TMEM151B: variants seen among roughly 807,000 people sequenced by gnomAD.
TMEM151B encodes the protein transmembrane protein 193.
Under a neutral mutation model 33.0 loss-of-function variants are expected in TMEM151B, and 18 were observed. The ratio of observed to expected loss-of-function variants is 0.55; its 90% confidence interval spans 0.38 to 0.81. The LOEUF is 0.81. Ranked by LOEUF, TMEM151B falls within the 30% of genes least tolerant of loss-of-function variation. TMEM151B has a pLI of 0.00. For synonymous variants in TMEM151B, 354 were observed against 373.6 expected (o/e 0.95, Z 0.61); for missense variants, 672 against 843.4 (o/e 0.80, Z 2.52).
chr6:44,270,742 C>T lies in TMEM151B; in HGVS notation c.-1C>T. 1 of 1,092,056 alleles carries T rather than the reference C, an allele frequency of 9.2e-7. No homozygotes were observed. Among genetic ancestry groups the T allele is most frequent in the Non-Finnish European group, 1.1e-6 (1 of 890,202 alleles). The allele number at this position is 1,092,056 out of a possible 1,614,324, so 67.6% of individuals were successfully genotyped here. A position where few individuals can be genotyped will look rare whatever the true frequency, so the allele number is the denominator to read the frequency against. ...TGAGCTCGACGCGCCCCCTCTACGC[C>T]ATGTCCCCCCCTGGCTCGGCCGCGG... is the stretch of plus-strand genomic sequence containing the variant. On this transcript the variant is annotated 5_prime_UTR_variant, in exon 1 of 3. Transcript: ENST00000451188.
At position 44,275,694 on chromosome 6, in the gene TMEM151B, C is replaced by A. The variant is rs1295698006; in HGVS notation, c.868C>A (p.Pro290Thr). ...FREFMVAFPD[P>T]ARPPWYACSS... Reference sequence around the variant, plus strand: ...TGAGTTCATGGTGGCCTTCCCGGACCCGGCCCGGCCGCCCTGGTACGCCTG... The same window carrying A: ...TGAGTTCATGGTGGCCTTCCCGGACACGGCCCGGCCGCCCTGGTACGCCTG... The change falls in exon 3 of 3, where the codon CCG (proline) becomes ACG (threonine). Residue 290 changes from proline to threonine, a missense_variant. Pro to Thr is a conservative substitution (Grantham distance 38). Transcript: ENST00000451188. The A allele has an allele frequency of 6.4e-7, 1 of 1,550,702 alleles. No individual in the cohort carries two copies. The highest frequency in any genetic ancestry group is 8.7e-7 in the Non-Finnish European group (1 of 1,146,688).
At chr6:44,273,693 GC>G (rs1306146100) in intron 2 of TMEM151B, among the ~76,000 whole-genome samples, 187 bp downstream of exon 2, 8 of 152,258 alleles carry the variant, frequency 5.3e-5, no homozygotes, top group Non-Finnish European at 1.2e-4. Flanking sequence ...CCGACCAGGA[GC>G]CAGGCTCTGC....
At position 44,278,995 on chromosome 6, in the gene TMEM151B, G is replaced by A. The variant is rs967931650; in HGVS notation, c.*2468G>A. On this transcript the variant is annotated 3_prime_UTR_variant, in exon 3 of 3. Coordinates refer to ENST00000451188, the MANE Select transcript of TMEM151B (RefSeq NM_001137560.2). Reference sequence around the variant, plus strand: ...GGCACACACATGCAGTCACTCCCAAGCCCCCTTTGGTGCTCTGCTCAGCGC... The same window carrying A: ...GGCACACACATGCAGTCACTCCCAAACCCCCTTTGGTGCTCTGCTCAGCGC... 5.3e-5 allele frequency: 8 copies of A among 152,196 alleles called. No individual in the cohort carries two copies. The highest frequency in any genetic ancestry group is 1.2e-4 in the Non-Finnish European group (8 of 68,060). 9.4% of individuals were successfully genotyped at this position (152,196 alleles called of 1,614,324 possible). A position where few individuals can be genotyped will look rare whatever the true frequency, so the allele number is the denominator to read the frequency against.
rs898013798 is a variant in TMEM151B at position 44,277,638 on chromosome 6, G to A, written c.*1111G>A. On this transcript the variant is annotated 3_prime_UTR_variant, in exon 3 of 3. Coordinates refer to ENST00000451188, the MANE Select transcript of TMEM151B (RefSeq NM_001137560.2). ...CGCTCAAACACATCTCTGGGGGACT[G>A]AGGACGTTGTCACAAGCCCCAACTG... is the stretch of plus-strand genomic sequence containing the variant. 6.6e-6 allele frequency: 1 copy of A among 152,228 alleles called. No homozygotes were observed. Among genetic ancestry groups the A allele is most frequent in the African/African-American group, 2.4e-5 (1 of 41,428 alleles). 9.4% of individuals were successfully genotyped at this position (152,228 alleles called of 1,614,324 possible).
In TMEM151B at chr6:44,275,895, C is replaced by A. The variant is rs780157740; in HGVS notation, c.1069C>A (p.Pro357Thr). ...CAGCCCCAGCGATGAGCTGCTGCCCCCGCTCACCCACCGCCTGCCGCGGGT... is the reference window on the plus strand; with the variant it reads ...CAGCCCCAGCGATGAGCTGCTGCCCACGCTCACCCACCGCCTGCCGCGGGT... ...GLSPSDELLPPLTHRLPRVNT... is the reference protein window; with the variant it reads ...GLSPSDELLPTLTHRLPRVNT... The change falls in exon 3 of 3, where the codon CCG becomes ACG. Residue 357 changes from proline to threonine, a missense_variant. Coordinates refer to ENST00000451188, the MANE Select transcript of TMEM151B (RefSeq NM_001137560.2). 50 of 1,533,804 alleles carry A rather than the reference C, an allele frequency of 3.3e-5. No homozygotes were observed. The African/African-American group carries it at 3.6e-4, about 11-fold the overall frequency.
chr6:44,276,405 C>T lies in TMEM151B; in HGVS notation c.1579C>T (p.Pro527Ser). ...EDDDEEEAGP[P>S]PPYHDALYFP... ...CGACGACGAGGAGGAGGCCGGGCCG[C>T]CGCCGCCCTACCACGACGCCCTCTA... The change falls in exon 3 of 3, where the codon CCG becomes TCG. Residue 527 changes from proline to serine, a missense_variant. By Grantham distance (74) the Pro-to-Ser change is moderately conservative. Coordinates refer to ENST00000451188, the MANE Select transcript of TMEM151B (RefSeq NM_001137560.2). 1.3e-6 allele frequency: 2 copies of T among 1,514,164 alleles called. No homozygotes were observed. The highest frequency in any genetic ancestry group is 1.8e-6 in the Non-Finnish European group (2 of 1,136,554). 93.8% of individuals were successfully genotyped at this position (1,514,164 alleles called of 1,614,324 possible).
intron 2 of TMEM151B, among the ~76,000 whole-genome samples, chr6:44,274,662 T>C (rs1782496855): frequency 6.6e-6 from 1 of 152,000 alleles, no homozygotes; most frequent in African/African-American, 2.4e-5. Flanking sequence ...GGGGAACCCA[T>C]TGGGAAACAC....
rs902136331 is a variant in TMEM151B at position 44,276,402 on chromosome 6, C to T, written c.1576C>T (p.Pro526Ser). 5 of 1,513,014 alleles carry T rather than the reference C, an allele frequency of 3.3e-6. No homozygotes were observed. Among genetic ancestry groups the T allele is most frequent in the African/African-American group, 1.4e-5 (1 of 70,878 alleles). The allele number at this position is 1,513,014 out of a possible 1,614,324, so 93.7% of individuals were successfully genotyped here. The change falls in exon 3 of 3, where the codon CCG (proline) becomes TCG (serine). Residue 526 changes from proline (P) to serine (S), a missense_variant. Physicochemically the swap from Pro to Ser is moderately conservative, Grantham distance 74. Around this residue, in one of 3 missense-constraint regions of TMEM151B, gnomAD observed 324 missense variants for 363.1 expected, o/e 0.89. Transcript: ENST00000451188. ...DEDDDEEEAG[P>S]PPPYHDALYF... The stretch of plus-strand genomic sequence containing the variant: ...GGACGACGACGAGGAGGAGGCCGGG[C>T]CGCCGCCGCCCTACCACGACGCCCT...
In TMEM151B at chr6:44,273,528, C is replaced by T. The variant is rs1401917548; in HGVS notation, c.576+22C>T. The T allele has an allele frequency of 4.6e-6, 7 of 1,518,894 alleles. No individual in the cohort carries two copies. The African/African-American group carries it at 6.9e-5, about 15-fold the overall frequency. 94.1% of individuals were successfully genotyped at this position (1,518,894 alleles called of 1,614,324 possible). The stretch of plus-strand genomic sequence containing the variant: ...CCAGGTGAGGAGCTGGTGGGGAGTG[C>T]AGGACATTCAACATGGGAGGTGGCA... On this transcript the variant is annotated intron_variant, in intron 2 of 2. Coordinates refer to ENST00000451188, the MANE Select transcript of TMEM151B (RefSeq NM_001137560.2).
chr6:44,275,851 G>A lies in TMEM151B; in HGVS notation c.1025G>A (p.Ser342Asn). 6.5e-7 allele frequency: 1 copy of A among 1,541,948 alleles called. No individual in the cohort carries two copies. The highest frequency in any genetic ancestry group is 1.2e-5 in the South Asian group (1 of 83,934). Reference sequence around the variant, plus strand: ...GGCCTGGAGGGCCCGGGCTCGGCCAGCAGCGCAGGCGGTGGCCTCAGCCCC... The same window carrying A: ...GGCCTGGAGGGCCCGGGCTCGGCCAACAGCGCAGGCGGTGGCCTCAGCCCC... ...LFGLEGPGSA[S>N]SAGGGLSPSD... Residue 342 changes from serine (S) to asparagine (N), a missense_variant, in exon 3 of 3, where the codon AGC becomes AAC. By Grantham distance (46) the Ser-to-Asn change is conservative (BLOSUM62 1). Around this residue, in one of 3 missense-constraint regions of TMEM151B, gnomAD observed 324 missense variants for 363.1 expected, o/e 0.89. Transcript: ENST00000451188.
rs1782599902 is a variant in TMEM151B, at chr6:44,276,580, T to C, written c.*53T>C. On this transcript the variant is annotated 3_prime_UTR_variant, in exon 3 of 3. Coordinates refer to ENST00000451188, the MANE Select transcript of TMEM151B (RefSeq NM_001137560.2). The stretch of plus-strand genomic sequence containing the variant: ...TCCTCCCGCCTGCCCCTCGCCGGAC[T>C]GTGCTCCCTCTGCGACGCAGGGCGA... 1 of 1,323,842 alleles carries C rather than the reference T, an allele frequency of 7.6e-7. No homozygotes were observed. 82.0% of individuals were successfully genotyped at this position (1,323,842 alleles called of 1,614,324 possible). A position where few individuals can be genotyped will look rare whatever the true frequency, so the allele number is the denominator to read the frequency against.
chr6:44,270,764 G>A lies in TMEM151B; in HGVS notation c.22G>A (p.Ala8Thr). 2 of 1,119,678 alleles carry A rather than the reference G, an allele frequency of 1.8e-6. No individual in the cohort carries two copies. The highest frequency in any genetic ancestry group is 2.2e-6 in the Non-Finnish European group (2 of 913,920). The allele number at this position is 1,119,678 out of a possible 1,614,324, so 69.4% of individuals were successfully genotyped here. MSPPGSAAGESAAGGGGG... is the reference protein window; with the variant it reads MSPPGSATGESAAGGGGG... ...CGCCATGTCCCCCCCTGGCTCGGCCGCGGGAGAGAGCGCCGCCGGCGGCGG... is the reference window on the plus strand; with the variant it reads ...CGCCATGTCCCCCCCTGGCTCGGCCACGGGAGAGAGCGCCGCCGGCGGCGG... The change falls in exon 1 of 3, where the codon GCG becomes ACG. Residue 8 changes from alanine (A) to threonine (T), a missense_variant. Physicochemically the swap from Ala to Thr is moderately conservative, Grantham distance 58. Coordinates refer to ENST00000451188, the MANE Select transcript of TMEM151B (RefSeq NM_001137560.2).
At chr6:44,274,818 A>C (rs958403110) in intron 2 of TMEM151B, among the ~76,000 whole-genome samples, 7 of 152,230 alleles carry the variant, frequency 4.6e-5, no homozygotes, top group African/African-American at 1.7e-4. Context: ...AGCAGGGCTT[A>C]GTTAAAATTT....
Position 44,273,436 on chromosome 6 carries a change from G to A in TMEM151B, c.506G>A (p.Ser169Asn), listed in dbSNP as rs1782443469. 3 of 1,550,766 alleles carry A rather than the reference G, an allele frequency of 1.9e-6. No homozygotes were observed. In the African/African-American group the frequency reaches 4.1e-5, roughly 21 times the overall value. Residue 169 changes from serine (S) to asparagine (N), a missense_variant, in exon 2 of 3, where the codon AGC becomes AAC. Physicochemically the swap from Ser to Asn is conservative, Grantham distance 46 (BLOSUM62 1). Transcript: ENST00000451188. The stretch of plus-strand genomic sequence containing the variant: ...CCCTGCATCTGGTGGAAGGCCATCA[G>A]CTACCACTATGTCCGCCGCACCCGC... ...ATPCIWWKAI[S>N]YHYVRRTRQV... is the part of the protein sequence containing the mutation.
chr6:44,276,566 G>C lies in TMEM151B; in HGVS notation c.*39G>C, dbSNP rs1782599125. 7.5e-7 allele frequency: 1 copy of C among 1,335,476 alleles called. No homozygotes were observed. The highest frequency in any genetic ancestry group is 3.6e-5 in the Admixed American group (1 of 27,752). 82.7% of individuals were successfully genotyped at this position (1,335,476 alleles called of 1,614,324 possible). A position where few individuals can be genotyped will look rare whatever the true frequency, so the allele number is the denominator to read the frequency against. ...AGTGGCCCGCGCCGTCCTCCCGCCT[G>C]CCCCTCGCCGGACTGTGCTCCCTCT... On this transcript the variant is annotated 3_prime_UTR_variant, in exon 3 of 3. Coordinates refer to ENST00000451188, the MANE Select transcript of TMEM151B (RefSeq NM_001137560.2).
Position 44,270,642 on chromosome 6 carries a change from G to A in TMEM151B, c.-101G>A. 4.5e-6 allele frequency: 1 copy of A among 223,726 alleles called. No individual in the cohort carries two copies. The highest frequency in any genetic ancestry group is 8.5e-6 in the Non-Finnish European group (1 of 117,694). The allele number at this position is 223,726 out of a possible 1,614,324, so 13.9% of individuals were successfully genotyped here. On this transcript the variant is annotated 5_prime_UTR_variant, in exon 1 of 3. Transcript: ENST00000451188. ...CGGCGGGGGGTGGGGAGCAGCGAGG[G>A]CCCCGCCCCCTCCCGTCCTCTCCCC...
chr6:44,276,201 G>A lies in TMEM151B; in HGVS notation c.1375G>A (p.Ala459Thr). 1.6e-6 allele frequency: 2 copies of A among 1,288,668 alleles called. No homozygotes were observed. Among genetic ancestry groups the A allele is most frequent in the South Asian group, 2.5e-5 (1 of 39,330 alleles). 79.8% of individuals were successfully genotyped at this position (1,288,668 alleles called of 1,614,324 possible). The change falls in exon 3 of 3, where the codon GCC (alanine) becomes ACC (threonine). Residue 459 changes from alanine to threonine, a missense_variant. This residue lies in a region of TMEM151B where 324 missense variants were observed against 363.1 expected (regional missense o/e 0.89). Coordinates refer to ENST00000451188, the MANE Select transcript of TMEM151B (RefSeq NM_001137560.2). Reference protein sequence around the residue: ...SALSICASPRAGPGPGGGAGC... With the variant: ...SALSICASPRTGPGPGGGAGC... ...CCTAAGCATCTGCGCCAGCCCGCGG[G>A]CCGGCCCGGGGCCCGGTGGGGGCGC...
intron 2 of TMEM151B, 151 bp from the exon 3 acceptor site, chr6:44,275,252 C>T: frequency 7.1e-7 from 1 of 1,401,098 alleles, no homozygotes; most frequent in Non-Finnish European, 9.3e-7. Context: ...CGGAAAGATC[C>T]TAACCAGCTC....
chr6:44,271,130 C>T (rs1049555399), intron 1 of TMEM151B, among the ~76,000 whole-genome samples: 1 of 151,382 alleles, frequency 6.6e-6, no homozygotes, highest in Non-Finnish European at 1.5e-5. Context: ...CGGAGCCTCG[C>T]GGATCCTGGG....
Sources: allele counts gnomAD v4.1 joint callset (sites outside exome capture counted in the v4.1 genomes callset), GRCh38; gene constraint gnomAD v4.1.1; regional missense constraint gnomAD v4.1.1; transcripts MANE v1.5; gene names NCBI Gene and HGNC (gene_info 2026-07-23, HGNC 2026-07-21).